Variants in DMD observed in about 807,000 individuals in gnomAD.
DMD encodes the protein mutant dystrophin.
Under a neutral mutation model 330.1 loss-of-function variants are expected in DMD, and 63 were observed. The observed-to-expected ratio is 0.19, with a 90% CI of 0.16 to 0.24. DMD has a LOEUF of 0.24. Ranked by LOEUF, DMD falls within the 10% of genes least tolerant of loss-of-function variation. The probability of loss-of-function intolerance (pLI) is 1.00; values close to 1 mark genes in which losing one functional copy is unlikely to be tolerated. For synonymous variants in DMD, 1,223 were observed against 959.8 expected (o/e 1.27, Z -5.07); for missense variants, 3,344 against 2,684.1 (o/e 1.25, Z -5.43).
At chrX:31,589,396 TG>T (rs1425995342) in intron 55 of DMD, among the ~76,000 whole-genome samples, 1 of 111,372 alleles carries the variant, frequency 9.0e-6, no homozygotes, top group East Asian at 2.8e-4. Context: ...CCTGACTTAT[TG>T]GGGGTCCTAT....
intron 2 of DMD, among the ~76,000 whole-genome samples, chrX:32,888,528 A>G (rs1194844633): frequency 8.9e-6 from 1 of 112,046 alleles, no homozygotes; most frequent in Non-Finnish European, 1.9e-5. Context: ...TGGTGAGAAT[A>G]TGGAAAAGAG....
intron 60 of DMD, among the ~76,000 whole-genome samples, chrX:31,386,477 A>ACAACAG: frequency 8.9e-6 from 1 of 112,133 alleles, no homozygotes; most frequent in African/African-American, 3.2e-5. Flanking sequence ...TTTTTCAGAA[A>ACAACAG]ATGCCTTCCC....
At chrX:31,138,801 T>TC (rs1173892095) in intron 76 of DMD, among the ~76,000 whole-genome samples, 11 of 110,644 alleles carry the variant, frequency 9.9e-5, no homozygotes, top group Non-Finnish European at 2.1e-4. Context: ...TCCCATCAGG[T>TC]CCCTCCCCTG....
chrX:33,237,352 T>C (rs1407077197), intron 1 of DMD, among the ~76,000 whole-genome samples: 1 of 109,484 alleles, frequency 9.1e-6, no homozygotes, highest in Non-Finnish European at 1.9e-5. Flanking sequence ...CAAGCGATTC[T>C]TCTGCCTCAG....
chrX:31,686,607 T>C (rs1051974517), intron 52 of DMD, among the ~76,000 whole-genome samples: 12 of 112,344 alleles, frequency 1.1e-4, no homozygotes, highest in Non-Finnish European at 2.1e-4. Context: ...ATCCATAAAT[T>C]AAAAGATATG....
intron 48 of DMD, among the ~76,000 whole-genome samples, chrX:31,861,638 C>CAGTGTG (rs375434031): frequency 0.025 from 2,097 of 83,089 alleles, 63 homozygotes; most frequent in Admixed American, 0.081. Flanking sequence ...AAATAATCAC[C>CAGTGTG]TGTGTGTGTG....
chrX:32,101,717 T>A (rs193233005), intron 44 of DMD, among the ~76,000 whole-genome samples: 1 of 111,827 alleles, frequency 8.9e-6, no homozygotes. Context: ...AATATAACAA[T>A]TATAATCAGT....
chrX:31,472,199 A>T (rs1280643836), intron 59 of DMD, among the ~76,000 whole-genome samples: 2 of 112,344 alleles, frequency 1.8e-5, no homozygotes, highest in African/African-American at 6.5e-5. Flanking sequence ...CATTATGAAG[A>T]TATCACAAGT....
At chrX:31,721,706 C>CCA (rs1569293045) in intron 52 of DMD, among the ~76,000 whole-genome samples, 52 of 49,316 alleles carry the variant, frequency 1.1e-3, no homozygotes, top group African/African-American at 7.0e-3. Context: ...CTCTCTCTCT[C>CCA]TCTCTCTCTC....
At chrX:32,331,033 C>T (rs2097676794) in intron 41 of DMD, among the ~76,000 whole-genome samples, 1 of 111,786 alleles carries the variant, frequency 8.9e-6, no homozygotes, top group Non-Finnish European at 1.9e-5. Flanking sequence ...ACCCTGTCCC[C>T]TAATTTTATA....
At chrX:31,861,337 T>C (rs2093693610) in intron 48 of DMD, among the ~76,000 whole-genome samples, 1 of 110,821 alleles carries the variant, frequency 9.0e-6, no homozygotes, top group African/African-American at 3.3e-5. Flanking sequence ...CCTTTCCTAA[T>C]ACTGACGAGA....
Position 31,134,161 on chromosome X carries a change from G to C in DMD, c.10955C>G (p.Thr3652Arg), listed in dbSNP as rs1131691998. Residue 3652 changes from threonine (T) to arginine (R), a missense_variant, in exon 77 of 79, where the codon ACA becomes AGA. Thr to Arg is a moderately conservative substitution (Grantham distance 71, BLOSUM62 -1). Coordinates refer to ENST00000357033, the MANE Select transcript of DMD (RefSeq NM_004006.3). ...CATCACCTCCTCTAACCCTGTGCTTGTGTCCTGGGGAGGACTGAGAAGATC... is the reference window on the plus strand; with the variant it reads ...CATCACCTCCTCTAACCCTGTGCTTCTGTCCTGGGGAGGACTGAGAAGATC... Reference protein sequence around the residue: ...EEDLLSPPQDTSTGLEEVMEQ... With the variant: ...EEDLLSPPQDRSTGLEEVMEQ... The C allele has an allele frequency of 5.8e-6, 7 of 1,208,969 alleles. No homozygotes were observed. The African/African-American group carries it at 1.1e-4, about 18-fold the overall frequency.
At chrX:32,883,090 T>C (rs2084116708) in intron 2 of DMD, among the ~76,000 whole-genome samples, 1 of 111,902 alleles carries the variant, frequency 8.9e-6, no homozygotes, top group Non-Finnish European at 1.9e-5. Flanking sequence ...GATGGTATAG[T>C]CCTAACTTAA....
intron 1 of DMD, among the ~76,000 whole-genome samples, chrX:33,043,458 A>G (rs184854620): frequency 1.3e-4 from 15 of 111,136 alleles, no homozygotes; most frequent in African/African-American, 4.2e-4. Flanking sequence ...TCCAGTTACC[A>G]CAGTGAAAGA....
At chrX:32,615,870 G>A (rs1181634655) in intron 11 of DMD, among the ~76,000 whole-genome samples, 1 of 111,482 alleles carries the variant, frequency 9.0e-6, no homozygotes, top group Non-Finnish European at 1.9e-5. Context: ...TGCATTAGCT[G>A]GAGACTATTA....
chrX:32,855,268 G>A (rs984876939), intron 2 of DMD, among the ~76,000 whole-genome samples: 1 of 111,865 alleles, frequency 8.9e-6, no homozygotes, highest in Middle Eastern at 4.7e-3. Flanking sequence ...CTGTAACAAG[G>A]ATGCCCACTT....
At chrX:32,196,425 C>T (rs2097000540) in intron 44 of DMD, among the ~76,000 whole-genome samples, 1 of 111,897 alleles carries the variant, frequency 8.9e-6, no homozygotes, top group East Asian at 2.8e-4. Flanking sequence ...CAACATAAAC[C>T]TTAAATAGTT....
chrX:31,778,778 C>T (rs1372133681), intron 50 of DMD, among the ~76,000 whole-genome samples: 3 of 110,232 alleles, frequency 2.7e-5, no homozygotes, highest in African/African-American at 9.9e-5. Flanking sequence ...ACCATGTTGG[C>T]CAGGATGGTC....
intron 17 of DMD, among the ~76,000 whole-genome samples, chrX:32,533,083 TG>T (rs1456572527): frequency 9.0e-6 from 1 of 111,314 alleles, no homozygotes; most frequent in East Asian, 2.8e-4. Context: ...ATTTACTCTC[TG>T]GCCCTTTAGA....
Sources: gnomAD v4.1 joint callset for allele counts (sites outside exome capture counted in the v4.1 genomes callset) on GRCh38, gnomAD v4.1.1 for gene constraint, MANE v1.5 for transcripts, NCBI Gene and HGNC (gene_info 2026-07-23, HGNC 2026-07-21) for gene names.